Variants in C13orf42 observed in about 807,000 individuals in gnomAD.
C13orf42 encodes the protein chromosome 13 open reading frame 42.
intron 1 of C13orf42, among the ~76,000 whole-genome samples, chr13:51,127,615 G>T (rs547858836): frequency 6.6e-6 from 1 of 151,968 alleles, no homozygotes; most frequent in African/African-American, 2.4e-5. Flanking sequence ...AGGTGGTGGG[G>T]GTCTTGGGTG....
chr13:51,108,490 C>A (rs1458674410), intron 1 of C13orf42, among the ~76,000 whole-genome samples: 1 of 152,168 alleles, frequency 6.6e-6, no homozygotes, highest in African/African-American at 2.4e-5. Context: ...AAGCCTGAAC[C>A]CATCATTTCA....
intron 1 of C13orf42, among the ~76,000 whole-genome samples, chr13:51,123,575 CA>C (rs1416600343): frequency 1.1e-4 from 17 of 152,372 alleles, no homozygotes; most frequent in African/African-American, 4.1e-4. Flanking sequence ...TGTGCATCAT[CA>C]CGGTTTGTGT....
intron 1 of C13orf42, among the ~76,000 whole-genome samples, chr13:51,094,013 T>C (rs1464927121): frequency 6.6e-6 from 1 of 152,214 alleles, no homozygotes; most frequent in African/African-American, 2.4e-5. Context: ...ATTTGATGTC[T>C]TGTCATCAGT....
intron 1 of C13orf42, among the ~76,000 whole-genome samples, chr13:51,105,465 G>C (rs1394808119): frequency 2.0e-5 from 3 of 152,184 alleles, no homozygotes; most frequent in Non-Finnish European, 4.4e-5. Context: ...ATATTATTAA[G>C]GGCATCACTA....
intron 1 of C13orf42, among the ~76,000 whole-genome samples, chr13:51,094,793 T>C (rs1254364387): frequency 6.6e-6 from 1 of 152,220 alleles, no homozygotes; most frequent in Admixed American, 6.5e-5. Flanking sequence ...TTCAGCACTT[T>C]AAAGATACCA....
At chr13:51,131,705 T>C (rs1171034267) in intron 1 of C13orf42, among the ~76,000 whole-genome samples, 1 of 152,244 alleles carries the variant, frequency 6.6e-6, no homozygotes, top group African/African-American at 2.4e-5. Context: ...AAAATAATTA[T>C]TCTTGCTGCA....
chr13:51,101,427 G>A (rs2137991066), intron 1 of C13orf42, among the ~76,000 whole-genome samples: 1 of 152,092 alleles, frequency 6.6e-6, no homozygotes, highest in Non-Finnish European at 1.5e-5. Context: ...GTTTTTGATG[G>A]TGGGCTCTAA....
At chr13:51,114,657 G>GAT (rs1367900987), upstream of C13orf42, among the ~76,000 whole-genome samples, 380 of 82,652 alleles carry the variant, frequency 4.6e-3, no homozygotes, top group African/African-American at 9.3e-3. Context: ...GAGATAGACA[G>GAT]ACAGACAGAC....
chr13:51,158,709 T>A (rs1248289312), intron 1 of C13orf42, among the ~76,000 whole-genome samples: 3 of 152,224 alleles, frequency 2.0e-5, no homozygotes, highest in Non-Finnish European at 4.4e-5. Context: ...TCTGAACGAC[T>A]CGCAGTAACC....
At chr13:51,141,094 AGG>A (rs1491349130) in intron 1 of C13orf42, among the ~76,000 whole-genome samples, 14 of 64,112 alleles carry the variant, frequency 2.2e-4, no homozygotes, top group African/African-American at 6.6e-4. Flanking sequence ...CATCGAAGGG[AGG>A]TGTGTGTGTG....
At chr13:51,099,550 A>G (rs1289228478) in intron 1 of C13orf42, among the ~76,000 whole-genome samples, 1 of 152,188 alleles carries the variant, frequency 6.6e-6, no homozygotes, top group Non-Finnish European at 1.5e-5. Flanking sequence ...GAACAGCTGC[A>G]TATCTTTTGT....
intron 1 of C13orf42, among the ~76,000 whole-genome samples, chr13:51,102,003 G>A (rs1201280022): frequency 1.3e-5 from 2 of 152,202 alleles, no homozygotes; most frequent in Non-Finnish European, 1.5e-5. Context: ...CTTGCAGCTT[G>A]ACTGAGAGGG....
chr13:51,161,329 G>C (rs9526723), intron 1 of C13orf42, among the ~76,000 whole-genome samples: 6,934 of 151,964 alleles, frequency 0.046, 159 homozygotes, highest in East Asian at 0.067. Flanking sequence ...ATGAGCCTCA[G>C]CTATTGCTTA....
chr13:51,117,490 G>A (rs959953586), intron 1 of C13orf42, among the ~76,000 whole-genome samples: 4 of 152,170 alleles, frequency 2.6e-5, no homozygotes, highest in Middle Eastern at 3.2e-3. Context: ...AAAAGATATA[G>A]TCTTCTCATG....
At chr13:51,108,450 A>T (rs1953386534) in intron 1 of C13orf42, among the ~76,000 whole-genome samples, 1 of 152,208 alleles carries the variant, frequency 6.6e-6, no homozygotes, top group African/African-American at 2.4e-5. Flanking sequence ...ACAGAGACCC[A>T]GGCAGCCATG....
Position 51,111,059 on chromosome 13 carries a change from C to G in C13orf42, c.151G>C (p.Glu51Gln), listed in dbSNP as rs939774933. The G allele has an allele frequency of 2.5e-6, 1 of 398,518 alleles. No individual in the cohort carries two copies. The highest frequency in any genetic ancestry group is 2.1e-5 in the African/African-American group (1 of 48,616). The allele number at this position is 398,518 out of a possible 1,614,324, so 24.7% of individuals were successfully genotyped here. ...GTGCTTTTGTACTTCTTTAAGGACT[C>G]GCTGAATTTCTCCCCGTGGTCCCCG... Reference protein sequence around the residue: ...VVGDHGEKFSESLKKYKSTSS... With the variant: ...VVGDHGEKFSQSLKKYKSTSS... Residue 51 changes from glutamate to glutamine, a missense_variant, in exon 1 of 4, where the codon GAG (glutamate) becomes CAG (glutamine). Transcript: ENST00000563710.
intron 1 of C13orf42, among the ~76,000 whole-genome samples, chr13:51,151,357 C>T (rs1301352173): frequency 6.8e-6 from 1 of 147,882 alleles, no homozygotes; most frequent in Non-Finnish European, 1.5e-5. Flanking sequence ...ATGCAGGTAG[C>T]CCCAAAAGCT....
At chr13:51,139,386 A>T (rs1362746485) in intron 1 of C13orf42, among the ~76,000 whole-genome samples, 1 of 152,154 alleles carries the variant, frequency 6.6e-6, no homozygotes, top group Non-Finnish European at 1.5e-5. Flanking sequence ...GGCTGGGGAG[A>T]TGAGGAAAAG....
chr13:51,094,813 T>C (rs189581294), intron 1 of C13orf42, among the ~76,000 whole-genome samples: 2 of 152,094 alleles, frequency 1.3e-5, no homozygotes, highest in Admixed American at 6.5e-5. Flanking sequence ...ACTTTTAATA[T>C]GGTTTGGCTG....
Sources: allele counts gnomAD v4.1 joint callset (sites outside exome capture counted in the v4.1 genomes callset), GRCh38; gene constraint gnomAD v4.1.1; transcripts MANE v1.5; gene names NCBI Gene and HGNC (gene_info 2026-07-23, HGNC 2026-07-21).